Variants in ACO1 observed in about 807,000 individuals in gnomAD.
ACO1 encodes the protein aconitase 1, also known as cytoplasmic aconitate hydratase.
A neutral mutation model predicts 105.1 loss-of-function variants in ACO1; 78 were observed. The observed-to-expected ratio is 0.74, with a 90% CI of 0.62 to 0.90. The LOEUF is 0.90. Ranked by LOEUF, ACO1 falls within the 40% of genes least tolerant of loss-of-function variation. The pLI is 0.00. For missense variants in ACO1, 965 were observed against 1,111.1 expected, an observed-to-expected ratio of 0.87 and a Z score of 1.87; for synonymous variants, 364 against 397.4, an observed-to-expected ratio of 0.92 and a Z score of 1.00.
chr9:32,389,657 T>C (rs1821224741), intron 1 of ACO1, among the ~76,000 whole-genome samples: 1 of 139,988 alleles, frequency 7.1e-6, no homozygotes, highest in South Asian at 2.3e-4. Flanking sequence ...CTAGATCGAC[T>C]GGCCTTCATT....
intron 4 of ACO1, among the ~76,000 whole-genome samples, 171 bp from the exon 5 acceptor site, chr9:32,417,957 T>C (rs145216623): frequency 3.4e-4 from 52 of 152,366 alleles, no homozygotes; most frequent in African/African-American, 1.2e-3. Flanking sequence ...CTCTCTTTAC[T>C]TTCACTAGTT....
Position 32,384,728 on chromosome 9 carries a change from A to C in ACO1, c.-30A>C. The C allele has an allele frequency of 2.4e-6, 1 of 410,102 alleles. No individual in the cohort carries two copies. Among genetic ancestry groups the C allele is most frequent in the Non-Finnish European group, 4.9e-6 (1 of 205,808 alleles). The allele number at this position is 410,102 out of a possible 1,614,324, so 25.4% of individuals were successfully genotyped here. A position where few individuals can be genotyped will look rare whatever the true frequency, so the allele number is the denominator to read the frequency against. On this transcript the variant is annotated 5_prime_UTR_variant, in exon 1 of 21. Coordinates refer to ENST00000309951, the MANE Select transcript of ACO1 (RefSeq NM_002197.3). ...GCCGGTCGCGGGAGCCCCGCCGTGC[A>C]GTCGGAGGTGAGTACCGACGCGGCC...
At position 32,418,198 on chromosome 9, in the gene ACO1, G is replaced by T. The variant is rs150497498; in HGVS notation, c.474+1G>T. On this transcript the variant is annotated splice_donor_variant, in intron 5 of 20. Transcript: ENST00000309951. LOFTEE classifies it high-confidence loss of function. ...TAGAGAGCGATTTGAATTTTTAAAG[G>T]TATGGGCAGGGTCTGGTTCCATTGT... is the stretch of plus-strand genomic sequence containing the variant. 1.8e-5 allele frequency: 29 copies of T among 1,614,042 alleles called. No homozygotes were observed. Among genetic ancestry groups the T allele is most frequent in the African/African-American group, 2.7e-5 (2 of 74,918 alleles).
At chr9:32,420,144 A>G (rs1821940396) in intron 7 of ACO1, among the ~76,000 whole-genome samples, 1 of 152,226 alleles carries the variant, frequency 6.6e-6, no homozygotes, top group African/African-American at 2.4e-5. Context: ...GTAGCTAGAA[A>G]CTGGCTTTAT....
In ACO1 at chr9:32,420,934, C is replaced by G. The variant is rs964554426; in HGVS notation, c.877C>G (p.Arg293Gly). The G allele has an allele frequency of 6.2e-7, 1 of 1,614,056 alleles. No homozygotes were observed. The highest frequency in any genetic ancestry group is 8.5e-7 in the Non-Finnish European group (1 of 1,179,970). Residue 293 changes from arginine (R) to glycine (G), a missense_variant, in exon 8 of 21, where the codon CGA becomes GGA. Physicochemically the swap from Arg to Gly is moderately radical, Grantham distance 125. Coordinates refer to ENST00000309951, the MANE Select transcript of ACO1 (RefSeq NM_002197.3). Reference sequence around the variant, plus strand: ...AGTAGCCCAGTTGTCCATTGCTGACCGAGCTACGATTGCTAACATGTGTCC... The same window carrying G: ...AGTAGCCCAGTTGTCCATTGCTGACGGAGCTACGATTGCTAACATGTGTCC... ...PGVAQLSIAD[R>G]ATIANMCPEY...
In ACO1 at chr9:32,419,166, A is replaced by T. The variant is rs745813050; in HGVS notation, c.787A>T (p.Thr263Ser). Residue 263 changes from threonine (T) to serine (S), a missense_variant, in exon 7 of 21, where the codon ACC becomes TCC. By Grantham distance (58) the Thr-to-Ser change is moderately conservative (BLOSUM62 1). Transcript: ENST00000309951. ...GGTAACATCCACTGACATCGTGCTC[A>T]CCATTACCAAGGTAACAATGTGCAT... is the stretch of plus-strand genomic sequence containing the variant. ...PLVTSTDIVL[T>S]ITKHLRQVGV... The T allele has an allele frequency of 5.0e-6, 8 of 1,589,504 alleles. No individual in the cohort carries two copies. The highest frequency in any genetic ancestry group is 6.9e-6 in the Non-Finnish European group (8 of 1,167,566).
In ACO1 at chr9:32,446,615, G is replaced by A. The variant is rs139624627; in HGVS notation, c.2371-2281G>A. On this transcript the variant is annotated intron_variant, in intron 19 of 20. Coordinates refer to ENST00000309951, the MANE Select transcript of ACO1 (RefSeq NM_002197.3). ...AGGTTAATACTGTTATGTGTGAATT[G>A]GATCCTGTCATTATGCTGTTAGCTG... Among the ~76,000 whole-genome samples the A allele has an allele frequency of 1.6e-3, 238 of 152,210 alleles. 2 individuals carry two copies. Among genetic ancestry groups the A allele is most frequent in the African/African-American group, 5.5e-3 (228 of 41,556 alleles).
chr9:32,405,692 G>C (rs1821595340), intron 2 of ACO1, 89 bp downstream of exon 2: 3 of 942,256 alleles, frequency 3.2e-6, no homozygotes, highest in Non-Finnish European at 4.8e-6. Context: ...AGTTTGAAGA[G>C]GGAGTAGCAG....
intron 1 of ACO1, among the ~76,000 whole-genome samples, chr9:32,403,712 CAG>C (rs1273461435): frequency 1.3e-5 from 2 of 152,180 alleles, no homozygotes; most frequent in African/African-American, 2.4e-5. Flanking sequence ...GGATTCGACA[CAG>C]AGATAAGGAT....
At chr9:32,407,201 T>C in intron 2 of ACO1, 60 bp from the exon 3 acceptor site, 1 of 1,539,722 alleles carries the variant, frequency 6.5e-7, no homozygotes, top group Non-Finnish European at 8.9e-7. Flanking sequence ...AGATTGGCCT[T>C]AAAGAGCGCT....
chr9:32,444,587 A>AT (rs1044106327), intron 19 of ACO1, among the ~76,000 whole-genome samples: 1 of 152,114 alleles, frequency 6.6e-6, no homozygotes, highest in African/African-American at 2.4e-5. Flanking sequence ...GAGGATGAGC[A>AT]TTTTTTCATA....
At chr9:32,409,890 G>A (rs1024354462) in intron 4 of ACO1, among the ~76,000 whole-genome samples, 1 of 152,126 alleles carries the variant, frequency 6.6e-6, no homozygotes, top group Non-Finnish European at 1.5e-5. Context: ...ATGTGAATAT[G>A]CAGTTGTGAA....
intron 1 of ACO1, among the ~76,000 whole-genome samples, chr9:32,393,038 C>A (rs566588789): frequency 5.3e-4 from 81 of 152,094 alleles, no homozygotes; most frequent in Non-Finnish European, 9.8e-4. Flanking sequence ...GTGTTAACTG[C>A]ACAAATTGTT....
chr9:32,390,587 T>G (rs1456612031), intron 1 of ACO1, among the ~76,000 whole-genome samples: 1 of 152,228 alleles, frequency 6.6e-6, no homozygotes, highest in Non-Finnish European at 1.5e-5. Context: ...AAGAAATACA[T>G]GCTAAAATAA....
intron 13 of ACO1, among the ~76,000 whole-genome samples, chr9:32,430,172 C>G (rs1288262604): frequency 6.6e-6 from 1 of 152,146 alleles, no homozygotes; most frequent in Non-Finnish European, 1.5e-5. Flanking sequence ...TAGTATGTTG[C>G]CTTCTAACTA....
intron 1 of ACO1, among the ~76,000 whole-genome samples, chr9:32,402,809 T>C (rs1209726826): frequency 6.6e-6 from 1 of 152,224 alleles, no homozygotes; most frequent in African/African-American, 2.4e-5. Flanking sequence ...AATGATAGTA[T>C]GGGTGGAACC....
chr9:32,385,948 A>G (rs951006855), intron 1 of ACO1, among the ~76,000 whole-genome samples: 2 of 152,208 alleles, frequency 1.3e-5, no homozygotes, highest in Non-Finnish European at 2.9e-5. Context: ...TGCCATGGAC[A>G]GTATTAACCT....
At chr9:32,429,290 C>A in intron 12 of ACO1, 129 bp from the exon 13 acceptor site, 1 of 686,172 alleles carries the variant, frequency 1.5e-6, no homozygotes, top group Non-Finnish European at 2.5e-6. Flanking sequence ...AGAAATAGCA[C>A]TATACTGAAC....
intron 4 of ACO1, among the ~76,000 whole-genome samples, chr9:32,409,551 T>C (rs1465830414): frequency 6.6e-6 from 1 of 152,202 alleles, no homozygotes; most frequent in African/African-American, 2.4e-5. Context: ...AAGGTGTGCA[T>C]ATTAAAATGT....
Sources: allele counts gnomAD v4.1 joint callset (sites outside exome capture counted in the v4.1 genomes callset), GRCh38; gene constraint gnomAD v4.1.1; transcripts MANE v1.5; gene names NCBI Gene and HGNC (gene_info 2026-07-23, HGNC 2026-07-21).